Variants in GRIK2 observed in about 807,000 individuals in gnomAD.
GRIK2 encodes glutamate ionotropic receptor kainate type subunit 2.
A neutral mutation model predicts 100.3 loss-of-function variants in GRIK2; 32 were observed. That is an observed-to-expected ratio of 0.32 (90% CI 0.24 to 0.43). The LOEUF is 0.43. GRIK2 is among the 20% of genes least tolerant of loss of function. GRIK2 has a pLI of 1.00. For missense variants in GRIK2, 843 were observed against 1,114.9 expected, an observed-to-expected ratio of 0.76 and a Z score of 3.47; for synonymous variants, 417 against 389.4, an observed-to-expected ratio of 1.07 and a Z score of -0.83.
intron 2 of GRIK2, among the ~76,000 whole-genome samples, chr6:101,497,662 C>T (rs1052757307): frequency 3.9e-5 from 6 of 151,962 alleles, no homozygotes; most frequent in South Asian, 2.1e-4. Context: ...ATACTTAGTA[C>T]TAGAGAGATA....
At chr6:101,521,889 A>G (rs1190685722) in intron 2 of GRIK2, among the ~76,000 whole-genome samples, 2 of 152,078 alleles carry the variant, frequency 1.3e-5, no homozygotes, top group African/African-American at 4.8e-5. Flanking sequence ...TCTTCCAGAA[A>G]AATGCATTGT....
At chr6:102,068,076 T>G (rs1772105493) in intron 16 of GRIK2, among the ~76,000 whole-genome samples, 1 of 151,962 alleles carries the variant, frequency 6.6e-6, no homozygotes, top group Admixed American at 6.6e-5. Flanking sequence ...AAATTTTATT[T>G]AATATATGTG....
intron 16 of GRIK2, among the ~76,000 whole-genome samples, chr6:102,060,871 A>T (rs950136928): frequency 1.3e-5 from 2 of 150,590 alleles, no homozygotes; most frequent in South Asian, 2.1e-4. Context: ...TATATTGACT[A>T]AAGTTGTGTT....
chr6:101,443,693 C>T (rs1357650824), intron 2 of GRIK2, among the ~76,000 whole-genome samples: 2 of 151,846 alleles, frequency 1.3e-5, no homozygotes, highest in African/African-American at 2.4e-5. Flanking sequence ...TGAATATGTG[C>T]ATATATTTGG....
chr6:101,908,201 G>A (rs1053653541), intron 12 of GRIK2, among the ~76,000 whole-genome samples: 10 of 151,396 alleles, frequency 6.6e-5, no homozygotes, highest in Admixed American at 1.3e-4. Context: ...AAAATTTGAA[G>A]CTGGACTAGA....
At chr6:101,988,735 C>A (rs955961989) in intron 14 of GRIK2, among the ~76,000 whole-genome samples, 1 of 151,806 alleles carries the variant, frequency 6.6e-6, no homozygotes, top group African/African-American at 2.4e-5. Context: ...TCCTGATGAT[C>A]TAAAGAGAAA....
At chr6:101,603,312 G>A (rs1388693258) in intron 2 of GRIK2, among the ~76,000 whole-genome samples, 1 of 151,668 alleles carries the variant, frequency 6.6e-6, no homozygotes. Context: ...CTTAGAAGGA[G>A]GTGAGAATTT....
At chr6:101,943,030 T>G (rs925935640) in intron 14 of GRIK2, among the ~76,000 whole-genome samples, 9 of 151,936 alleles carry the variant, frequency 5.9e-5, no homozygotes, top group Non-Finnish European at 8.8e-5. Flanking sequence ...GGGAAAAAAA[T>G]GGATTCATGG....
chr6:101,805,619 AG>A (rs1780951288), intron 9 of GRIK2, among the ~76,000 whole-genome samples: 1 of 152,018 alleles, frequency 6.6e-6, no homozygotes, highest in African/African-American at 2.4e-5. Context: ...CAAATATGGA[AG>A]GAATGTCTGT....
At chr6:101,681,996 A>G (rs1344898073) in intron 5 of GRIK2, among the ~76,000 whole-genome samples, 1 of 152,184 alleles carries the variant, frequency 6.6e-6, no homozygotes, top group East Asian at 1.9e-4. Context: ...GTGAAATAAA[A>G]CACAGTAATT....
intron 4 of GRIK2, among the ~76,000 whole-genome samples, chr6:101,675,835 T>C (rs1770794246): frequency 6.6e-6 from 1 of 152,188 alleles, no homozygotes; most frequent in South Asian, 2.1e-4. Flanking sequence ...TTGTTAGCAT[T>C]ATTTTTTAAA....
intron 2 of GRIK2, among the ~76,000 whole-genome samples, chr6:101,444,649 A>G (rs1300616225): frequency 2.0e-5 from 3 of 152,088 alleles, no homozygotes; most frequent in East Asian, 1.9e-4. Context: ...AAAATTTTCA[A>G]TTCAGGAATT....
intron 7 of GRIK2, among the ~76,000 whole-genome samples, chr6:101,759,085 GT>G (rs1440605773): frequency 6.6e-6 from 1 of 152,118 alleles, no homozygotes; most frequent in Non-Finnish European, 1.5e-5. Context: ...GTCTCAGAGA[GT>G]TTCATTTTTG....
At chr6:101,904,373 A>T (rs1432843005) in intron 12 of GRIK2, among the ~76,000 whole-genome samples, 1 of 151,414 alleles carries the variant, frequency 6.6e-6, no homozygotes, top group Admixed American at 6.6e-5. Context: ...TGAAGTTTTT[A>T]AAAAAATTAC....
At chr6:101,946,528 TAAG>T (rs978593422) in intron 14 of GRIK2, among the ~76,000 whole-genome samples, 1 of 149,970 alleles carries the variant, frequency 6.7e-6, no homozygotes, top group African/African-American at 2.5e-5. Flanking sequence ...AAAAAAAAAA[TAAG>T]AAAAGAAACA....
intron 11 of GRIK2, among the ~76,000 whole-genome samples, chr6:101,879,980 C>T (rs138072532): frequency 6.2e-4 from 95 of 152,090 alleles, no homozygotes; most frequent in African/African-American, 2.1e-3. Flanking sequence ...ACTGCTGACT[C>T]AATAGGGCCC....
At chr6:101,932,302 T>A (rs1285062152) in intron 14 of GRIK2, among the ~76,000 whole-genome samples, 1 of 152,048 alleles carries the variant, frequency 6.6e-6, no homozygotes, top group Admixed American at 6.6e-5. Flanking sequence ...TGTATGGTCA[T>A]TAAACAAAAT....
At chr6:101,536,174 C>T (rs1218422471) in intron 2 of GRIK2, among the ~76,000 whole-genome samples, 1 of 151,610 alleles carries the variant, frequency 6.6e-6, no homozygotes, top group Admixed American at 6.6e-5. Context: ...TGAAGCCCCA[C>T]TATTTCTAAT....
chr6:101,517,362 T>C (rs781035461), intron 2 of GRIK2, among the ~76,000 whole-genome samples: 62 of 152,240 alleles, frequency 4.1e-4, no homozygotes, highest in Admixed American at 2.0e-3. Flanking sequence ...AAGCGAATTA[T>C]ATTGTTTGAA....
Sources: gnomAD v4.1 joint callset for allele counts (sites outside exome capture counted in the v4.1 genomes callset) on GRCh38, gnomAD v4.1.1 for gene constraint, MANE v1.5 for transcripts, NCBI Gene and HGNC (gene_info 2026-07-23, HGNC 2026-07-21) for gene names.